The following RAPGEF4 variants were observed in gnomAD, a reference collection of about 807,000 sequenced individuals.
The protein encoded by RAPGEF4 is RAP guanine-nucleotide-exchange factor (GEF) 4.
A neutral mutation model predicts 147.9 loss-of-function variants in RAPGEF4; 66 were observed. That is an observed-to-expected ratio of 0.45 (90% CI 0.37 to 0.55). RAPGEF4 has a LOEUF of 0.55. Ranked by LOEUF, RAPGEF4 falls within the 20% of genes least tolerant of loss-of-function variation. The pLI, the probability that RAPGEF4 is intolerant of heterozygous loss-of-function variation, is 0.00. For synonymous variants in RAPGEF4, 419 were observed against 442.7 expected (o/e 0.95, Z 0.67); for missense variants, 1,071 against 1,257.3 (o/e 0.85, Z 2.24).
Position 172,934,324 on chromosome 2 carries a change from A to G in RAPGEF4, c.537+12024A>G, listed in dbSNP as rs535319670. Among the ~76,000 whole-genome samples the G allele has an allele frequency of 2.6e-5, 4 of 151,112 alleles. No individual in the cohort carries two copies. In the South Asian group the frequency reaches 8.4e-4, roughly 32 times the overall value. On this transcript the variant is annotated intron_variant, in intron 6 of 30. Transcript: ENST00000397081. The stretch of plus-strand genomic sequence containing the variant: ...ACCACCATGCCCGGCTAATTTTTGT[A>G]TTTTTTAGTAGAGACTGGGTTTCAC...
chr2:172,880,503 TA>T (rs113498672), intron 4 of RAPGEF4, among the ~76,000 whole-genome samples: 5,612 of 152,304 alleles, frequency 0.037, 223 homozygotes, highest in South Asian at 0.15. Flanking sequence ...ATGACTAGAA[TA>T]AAGGATAAAA....
In RAPGEF4 at chr2:173,020,660, C is replaced by T. The variant is rs1267487098; in HGVS notation, c.2198C>T (p.Thr733Met). 1.2e-6 allele frequency: 2 copies of T among 1,613,748 alleles called. No individual in the cohort carries two copies. Among genetic ancestry groups the T allele is most frequent in the South Asian group, 2.2e-5 (2 of 90,966 alleles). Residue 733 changes from threonine (T) to methionine (M), a missense_variant, in exon 23 of 31, where the codon ACG becomes ATG. Coordinates refer to ENST00000397081, the MANE Select transcript of RAPGEF4 (RefSeq NM_007023.4). ...LKPNDVSVFT[T>M]LTINGRLFAC... is the part of the protein sequence containing the mutation. Reference sequence around the variant, plus strand: ...CCTAATGATGTTTCAGTATTTACGACGCTCACCATTAATGGACGCCTGTTT... The same window carrying T: ...CCTAATGATGTTTCAGTATTTACGATGCTCACCATTAATGGACGCCTGTTT...
intron 4 of RAPGEF4, among the ~76,000 whole-genome samples, chr2:172,845,942 G>A (rs1338438439): frequency 2.6e-5 from 4 of 152,154 alleles, no homozygotes; most frequent in African/African-American, 7.2e-5. Flanking sequence ...GGAAGACACT[G>A]GGGTTGGGAA....
intron 3 of RAPGEF4, among the ~76,000 whole-genome samples, chr2:172,808,318 G>T (rs1687700676): frequency 6.6e-6 from 1 of 152,160 alleles, no homozygotes; most frequent in Non-Finnish European, 1.5e-5. Context: ...AGTACAAAAG[G>T]ATTCTTTGAT....
intron 3 of RAPGEF4, among the ~76,000 whole-genome samples, chr2:172,798,412 A>G (rs1314550355): frequency 6.6e-6 from 1 of 152,166 alleles, no homozygotes; most frequent in Non-Finnish European, 1.5e-5. Context: ...CACTGTTTAG[A>G]GCCAAGAATC....
At chr2:172,937,037 C>CA (rs34104170) in intron 6 of RAPGEF4, among the ~76,000 whole-genome samples, 5,011 of 52,480 alleles carry the variant, frequency 0.095, 769 homozygotes, top group African/African-American at 0.17. Flanking sequence ...CCTCTCTCTG[C>CA]AAAAAAAAAA....
At chr2:172,926,553 G>GT (rs945333650) in intron 6 of RAPGEF4, among the ~76,000 whole-genome samples, 2 of 151,882 alleles carry the variant, frequency 1.3e-5, no homozygotes, top group Non-Finnish European at 2.9e-5. Context: ...TTTTTTGTGA[G>GT]TTTTTTGTTT....
intron 23 of RAPGEF4, among the ~76,000 whole-genome samples, chr2:173,025,586 G>A (rs1285254986): frequency 2.6e-5 from 4 of 152,170 alleles, no homozygotes; most frequent in South Asian, 2.1e-4. Flanking sequence ...GGCACTACAG[G>A]TACATGCCAC....
intron 10 of RAPGEF4, 24 bp from the exon 11 acceptor site, chr2:172,983,472 C>CTTTT (rs59582070): frequency 3.3e-6 from 5 of 1,498,004 alleles, no homozygotes; most frequent in Admixed American, 2.1e-5. Context: ...TTCCATATTC[C>CTTTT]TTTTTTTTTT....
intron 25 of RAPGEF4, among the ~76,000 whole-genome samples, chr2:173,028,243 T>C (rs988489931): frequency 3.3e-5 from 5 of 152,228 alleles, no homozygotes; most frequent in African/African-American, 7.2e-5. Flanking sequence ...AAGAAAGGCT[T>C]GGTAAAATGG....
At chr2:172,784,256 C>T (rs113307145) in intron 1 of RAPGEF4, among the ~76,000 whole-genome samples, 4 of 152,256 alleles carry the variant, frequency 2.6e-5, no homozygotes, top group Non-Finnish European at 4.4e-5. Flanking sequence ...CGGTGGCTCA[C>T]GCCTGTAATC....
At chr2:172,927,600 A>G (rs548527338) in intron 6 of RAPGEF4, among the ~76,000 whole-genome samples, 21 of 151,890 alleles carry the variant, frequency 1.4e-4, no homozygotes, top group Non-Finnish European at 3.1e-4. Flanking sequence ...GTACCACTGC[A>G]CTCCAGCCTG....
intron 4 of RAPGEF4, among the ~76,000 whole-genome samples, chr2:172,897,907 C>T (rs16861005): frequency 0.015 from 2,227 of 151,964 alleles, 62 homozygotes; most frequent in African/African-American, 0.052. Context: ...TTCGCACAAG[C>T]TCCAGATGAG....
intron 6 of RAPGEF4, among the ~76,000 whole-genome samples, chr2:172,944,671 G>A (rs1018818047): frequency 6.6e-6 from 1 of 152,164 alleles, no homozygotes; most frequent in Non-Finnish European, 1.5e-5. Context: ...CTTTAATCAA[G>A]GGGCTGTTGT....
intron 4 of RAPGEF4, among the ~76,000 whole-genome samples, chr2:172,836,968 T>C (rs1691014184): frequency 6.6e-6 from 1 of 152,226 alleles, no homozygotes; most frequent in Admixed American, 6.5e-5. Flanking sequence ...TAGACCTAGG[T>C]ATGTGCTATA....
intron 4 of RAPGEF4, among the ~76,000 whole-genome samples, chr2:172,909,636 G>A (rs1699919122): frequency 6.6e-6 from 1 of 152,158 alleles, no homozygotes; most frequent in African/African-American, 2.4e-5. Context: ...GACCTGCTGA[G>A]TCACCTCGGA....
intron 3 of RAPGEF4, among the ~76,000 whole-genome samples, chr2:172,808,257 T>A (rs1687693716): frequency 6.6e-6 from 1 of 152,224 alleles, no homozygotes; most frequent in Non-Finnish European, 1.5e-5. Context: ...GAAAACCCAG[T>A]GTACATAACT....
intron 4 of RAPGEF4, among the ~76,000 whole-genome samples, chr2:172,829,635 A>G (rs942924568): frequency 2.0e-5 from 3 of 152,174 alleles, no homozygotes; most frequent in African/African-American, 7.2e-5. Context: ...GTAAATTATT[A>G]TCAGCTTAGT....
intron 1 of RAPGEF4, among the ~76,000 whole-genome samples, chr2:172,746,637 G>C (rs1420439388): frequency 1.3e-5 from 2 of 150,782 alleles, no homozygotes; most frequent in African/African-American, 4.9e-5. Context: ...TTTTGAGACA[G>C]AGTCTTACTC....
Sources: allele counts gnomAD v4.1 joint callset (sites outside exome capture counted in the v4.1 genomes callset), GRCh38; gene constraint gnomAD v4.1.1; transcripts MANE v1.5; gene names NCBI Gene and HGNC (gene_info 2026-07-23, HGNC 2026-07-21).